The following GSE1 variants were observed in gnomAD, a reference collection of about 807,000 sequenced individuals.
GSE1 encodes Gse1 coiled-coil protein.
In GSE1, 32 loss-of-function variants were observed where a neutral mutation model predicts 112.6. The ratio of observed to expected loss-of-function variants is 0.28; its 90% CI spans 0.21 to 0.38. The LOEUF (loss-of-function observed/expected upper bound fraction) is 0.38. GSE1 is among the 10% of genes least tolerant of loss of function. The probability of loss-of-function intolerance (pLI) is 1.00; values close to 1 mark genes in which losing one functional copy is unlikely to be tolerated. For synonymous variants in GSE1, 1,115 were observed against 735.6 expected (o/e 1.52, Z -8.35); for missense variants, 2,348 against 1,699.2 (o/e 1.38, Z -6.71).
chr16:85,323,651 C>A (rs993052294), intron 1 of GSE1, among the ~76,000 whole-genome samples: 1 of 152,168 alleles, frequency 6.6e-6, no homozygotes. Context: ...GTGACTGCCC[C>A]CACCCCTGAT....
chr16:85,407,252 G>A (rs867751670), intron 2 of GSE1, among the ~76,000 whole-genome samples: 150 of 11,700 alleles, frequency 0.013, no homozygotes, highest in Admixed American at 0.025. Context: ...GATAATCCTC[G>A]CTGTTACTCT....
intron 1 of GSE1, among the ~76,000 whole-genome samples, chr16:85,244,316 C>T (rs977908604): frequency 5.9e-5 from 9 of 151,972 alleles, no homozygotes; most frequent in South Asian, 4.1e-4. Flanking sequence ...AGGGAGGGGC[C>T]GTGAGCCAAG....
At chr16:85,246,333 C>CACA (rs1567636056) in intron 1 of GSE1, among the ~76,000 whole-genome samples, 5,035 of 31,316 alleles carry the variant, frequency 0.16, 398 homozygotes, top group South Asian at 0.36. Context: ...ACACACACAC[C>CACA]CCCCACACGC....
At chr16:85,657,975 T>G (rs1567741961) in intron 8 of GSE1, among the ~76,000 whole-genome samples, 1 of 152,234 alleles carries the variant, frequency 6.6e-6, no homozygotes, top group Non-Finnish European at 1.5e-5. Context: ...CCTCTGCTTT[T>G]GAGCCTGGAC....
intron 13 of GSE1, among the ~76,000 whole-genome samples, chr16:85,667,868 A>G (rs1353449554): frequency 1.3e-5 from 2 of 151,138 alleles, no homozygotes; most frequent in African/African-American, 4.9e-5. Context: ...AAAACAAAAA[A>G]TGGAGTCTCA....
At chr16:85,571,620 G>A (rs139153096) in intron 1 of GSE1, among the ~76,000 whole-genome samples, 2 of 152,340 alleles carry the variant, frequency 1.3e-5, no homozygotes, top group East Asian at 1.9e-4. Flanking sequence ...GGTCTTTGCC[G>A]TGTTTGGGGC....
At chr16:85,214,035 G>A (rs1055733463) in intron 1 of GSE1, among the ~76,000 whole-genome samples, 10 of 152,346 alleles carry the variant, frequency 6.6e-5, no homozygotes, top group Admixed American at 3.9e-4. Flanking sequence ...GGCTGGCACC[G>A]GCATCGTTCC....
chr16:85,556,596 C>T (rs1370379392), intron 1 of GSE1, among the ~76,000 whole-genome samples: 1 of 150,702 alleles, frequency 6.6e-6, no homozygotes, highest in Non-Finnish European at 1.5e-5. Context: ...ATCGCGCCGC[C>T]GCCGGGGGTT....
intron 1 of GSE1, among the ~76,000 whole-genome samples, chr16:85,580,723 T>G (rs1313840106): frequency 6.6e-6 from 1 of 152,064 alleles, no homozygotes; most frequent in Non-Finnish European, 1.5e-5. Context: ...TAGTTATGGT[T>G]AAGTGAGGTT....
intron 1 of GSE1, among the ~76,000 whole-genome samples, chr16:85,558,107 G>A (rs969101328): frequency 6.6e-6 from 1 of 152,170 alleles, no homozygotes; most frequent in Non-Finnish European, 1.5e-5. Flanking sequence ...AGGGGAGGGC[G>A]GAGTGAGCCC....
At chr16:85,607,383 G>A (rs928966097), upstream of GSE1, among the ~76,000 whole-genome samples, 1 of 152,366 alleles carries the variant, frequency 6.6e-6, no homozygotes, top group Middle Eastern at 3.4e-3. Context: ...TCCAGCCGCG[G>A]TGGCGGCGTC....
chr16:85,480,091 C>A (rs1266253230), intron 2 of GSE1, among the ~76,000 whole-genome samples: 1 of 152,206 alleles, frequency 6.6e-6, no homozygotes, highest in Non-Finnish European at 1.5e-5. Context: ...CTGACTCTCA[C>A]AACATCCTCA....
At chr16:85,294,154 C>T (rs1392296918) in intron 1 of GSE1, among the ~76,000 whole-genome samples, 1 of 152,230 alleles carries the variant, frequency 6.6e-6, no homozygotes, top group Middle Eastern at 3.2e-3. Flanking sequence ...ATCTCTCCAG[C>T]TGCAGATGAG....
At chr16:85,388,350 G>GGGTA (rs2047748713) in intron 2 of GSE1, among the ~76,000 whole-genome samples, 2 of 33,826 alleles carry the variant, frequency 5.9e-5, no homozygotes, top group Admixed American at 3.5e-4. Context: ...ATGGCTGGAT[G>GGGTA]GATGGGTGAG....
intron 1 of GSE1, among the ~76,000 whole-genome samples, chr16:85,632,057 T>A (rs1189464902): frequency 6.6e-6 from 1 of 152,220 alleles, no homozygotes; most frequent in Non-Finnish European, 1.5e-5. Flanking sequence ...GAAGTGAGGC[T>A]GCCAGGCAGA....
intron 1 of GSE1, among the ~76,000 whole-genome samples, chr16:85,620,029 C>T (rs2048630956): frequency 6.6e-6 from 1 of 152,140 alleles, no homozygotes; most frequent in African/African-American, 2.4e-5. Context: ...GGTGCGGTGG[C>T]TCAAGCCTGT....
intron 2 of GSE1, among the ~76,000 whole-genome samples, chr16:85,498,864 G>T (rs1007871023): frequency 2.6e-5 from 4 of 152,262 alleles, no homozygotes; most frequent in African/African-American, 9.6e-5. Context: ...CTGCAGAGTG[G>T]CAGGGCCATT....
intron 1 of GSE1, among the ~76,000 whole-genome samples, chr16:85,250,924 A>T (rs552048741): frequency 1.8e-4 from 27 of 146,740 alleles, no homozygotes; most frequent in African/African-American, 5.6e-4. Context: ...CAGCATGTGG[A>T]CTTCTGTGTC....
chr16:85,241,872 C>T (rs142334313), intron 1 of GSE1, among the ~76,000 whole-genome samples: 18 of 152,232 alleles, frequency 1.2e-4, no homozygotes, highest in African/African-American at 3.1e-4. Flanking sequence ...ACCCCCTCCC[C>T]GGGCACCCCC....
Sources: allele counts gnomAD v4.1 joint callset (sites outside exome capture counted in the v4.1 genomes callset), GRCh38; gene constraint gnomAD v4.1.1; transcripts MANE v1.5; gene names NCBI Gene and HGNC (gene_info 2026-07-23, HGNC 2026-07-21).